The following PTPRM variants were observed in gnomAD, a reference collection of about 807,000 sequenced individuals.
PTPRM encodes receptor-type tyrosine-protein phosphatase mu.
Under a neutral mutation model 186.7 loss-of-function variants are expected in PTPRM, and 47 were observed. The ratio of observed to expected loss-of-function variants is 0.25; its 90% CI spans 0.20 to 0.32. The LOEUF (loss-of-function observed/expected upper bound fraction) is 0.32, where lower values mean the gene tolerates loss of function less well. PTPRM is among the 10% of genes least tolerant of loss of function. PTPRM has a pLI of 1.00. For missense variants in PTPRM, 1,494 were observed against 1,865.0 expected, an observed-to-expected ratio of 0.80 and a Z score of 3.66; for synonymous variants, 668 against 674.9, an observed-to-expected ratio of 0.99 and a Z score of 0.16.
chr18:8,339,475 C>T (rs1459415620), intron 22 of PTPRM, among the ~76,000 whole-genome samples: 1 of 152,188 alleles, frequency 6.6e-6, no homozygotes, highest in Non-Finnish European at 1.5e-5. Flanking sequence ...ATCAAATGCC[C>T]TGTCTTGCAA....
chr18:8,003,508 A>G (rs142919222), intron 7 of PTPRM, among the ~76,000 whole-genome samples: 1 of 152,362 alleles, frequency 6.6e-6, no homozygotes, highest in Non-Finnish European at 1.5e-5. Context: ...AGAGAGAGGA[A>G]GGTGCCTCAG....
intron 7 of PTPRM, among the ~76,000 whole-genome samples, chr18:8,021,514 C>T (rs2085235266): frequency 6.6e-6 from 1 of 151,662 alleles, no homozygotes; most frequent in South Asian, 2.1e-4. Flanking sequence ...AGCTCTCCCT[C>T]CTCTTGCCCC....
At chr18:8,077,933 C>T (rs2089917821) in intron 9 of PTPRM, among the ~76,000 whole-genome samples, 1 of 152,114 alleles carries the variant, frequency 6.6e-6, no homozygotes, top group Non-Finnish European at 1.5e-5. Flanking sequence ...AAAGGAAAAA[C>T]CCATTAGTCT....
intron 1 of PTPRM, among the ~76,000 whole-genome samples, chr18:7,714,031 A>G (rs1220283506): frequency 2.6e-5 from 4 of 152,224 alleles, no homozygotes; most frequent in Non-Finnish European, 4.4e-5. Flanking sequence ...CCTAATAGAC[A>G]TCTACAGAAC....
chr18:7,890,517 G>GT (rs150947677), intron 3 of PTPRM, among the ~76,000 whole-genome samples: 9,843 of 150,660 alleles, frequency 0.065, 420 homozygotes, highest in Non-Finnish European at 0.1. Context: ...TAAATGTGTT[G>GT]TTTTTTTTTA....
At chr18:8,257,330 C>T (rs1002055427) in intron 19 of PTPRM, among the ~76,000 whole-genome samples, 4 of 152,104 alleles carry the variant, frequency 2.6e-5, no homozygotes, top group African/African-American at 7.2e-5. Flanking sequence ...GGTCAGGGCT[C>T]CAATCACCAA....
At chr18:8,025,936 G>C (rs2148010247) in intron 7 of PTPRM, among the ~76,000 whole-genome samples, 2 of 152,316 alleles carry the variant, frequency 1.3e-5, no homozygotes, top group South Asian at 4.1e-4. Context: ...AGATTTTCCA[G>C]GGAGAGCAGA....
intron 2 of PTPRM, among the ~76,000 whole-genome samples, chr18:7,790,812 T>G (rs2043303522): frequency 6.6e-6 from 1 of 152,184 alleles, no homozygotes; most frequent in Non-Finnish European, 1.5e-5. Context: ...CTGATAAACT[T>G]TCTCCCAGTA....
intron 7 of PTPRM, among the ~76,000 whole-genome samples, chr18:7,996,261 C>T (rs970301173): frequency 6.6e-6 from 1 of 151,332 alleles, no homozygotes; most frequent in African/African-American, 2.4e-5. Context: ...ATACGCAAAT[C>T]GATGAATGTG....
chr18:7,886,762 T>C (rs1051352644), intron 2 of PTPRM, among the ~76,000 whole-genome samples: 19 of 152,312 alleles, frequency 1.2e-4, no homozygotes, highest in Admixed American at 3.3e-4. Flanking sequence ...GCTCACCTCA[T>C]AGCTGTAAAG....
intron 1 of PTPRM, among the ~76,000 whole-genome samples, chr18:7,617,145 T>A (rs143189246): frequency 5.9e-5 from 9 of 152,288 alleles, no homozygotes; most frequent in Non-Finnish European, 1.3e-4. Context: ...GTGGAGCATG[T>A]TTGGAAGTCA....
At chr18:7,869,285 A>C (rs1255539441) in intron 2 of PTPRM, among the ~76,000 whole-genome samples, 1 of 152,196 alleles carries the variant, frequency 6.6e-6, no homozygotes. Context: ...CTGCCCAAAC[A>C]GCTGCCCAAT....
At chr18:7,768,433 T>C (rs921622537) in intron 1 of PTPRM, among the ~76,000 whole-genome samples, 4 of 152,108 alleles carry the variant, frequency 2.6e-5, no homozygotes, top group African/African-American at 9.7e-5. Context: ...ATCAAGGCTA[T>C]AGTGAGCTAG....
At chr18:8,148,570 A>C (rs1417328921) in intron 14 of PTPRM, among the ~76,000 whole-genome samples, 1 of 151,862 alleles carries the variant, frequency 6.6e-6, no homozygotes, top group Non-Finnish European at 1.5e-5. Flanking sequence ...CTCGTGGTCT[A>C]GCTATTTTGT....
At chr18:8,032,381 C>T (rs1405910656) in intron 7 of PTPRM, among the ~76,000 whole-genome samples, 2 of 152,144 alleles carry the variant, frequency 1.3e-5, no homozygotes, top group Admixed American at 6.5e-5. Flanking sequence ...GTTGTTTCCA[C>T]TGCTATTCCT....
intron 19 of PTPRM, among the ~76,000 whole-genome samples, chr18:8,281,511 T>G (rs536677265): frequency 2.0e-5 from 3 of 152,160 alleles, no homozygotes; most frequent in Admixed American, 2.0e-4. Context: ...TCTCTCTAAG[T>G]GGCTGTGATG....
At chr18:7,986,476 G>A (rs1599880575) in intron 7 of PTPRM, among the ~76,000 whole-genome samples, 1 of 152,172 alleles carries the variant, frequency 6.6e-6, no homozygotes, top group East Asian at 1.9e-4. Context: ...GTGCCAGAAT[G>A]AGCTAGCATT....
At position 8,052,217 on chromosome 18, in the gene PTPRM, C is replaced by T. The variant is rs890199706; in HGVS notation, c.1133-17469C>T. Among the ~76,000 whole-genome samples, 3 of 152,156 alleles carry T rather than the reference C, an allele frequency of 2.0e-5. No individual in the cohort carries two copies. The East Asian group carries it at 5.8e-4, about 29-fold the overall frequency. ...AATTTCTCTGATGACAAGAATCACC[C>T]AGGCTGCTTCTTATGATACAAATTC... On this transcript the variant is annotated intron_variant, in intron 7 of 32. Transcript: ENST00000580170.
At chr18:7,960,440 A>G (rs2053580793) in intron 7 of PTPRM, among the ~76,000 whole-genome samples, 1 of 136,596 alleles carries the variant, frequency 7.3e-6, no homozygotes, top group Non-Finnish European at 1.5e-5. Flanking sequence ...GGAAGGGAGT[A>G]TATAGGCAAC....
Sources: gnomAD v4.1 joint callset for allele counts (sites outside exome capture counted in the v4.1 genomes callset) on GRCh38, gnomAD v4.1.1 for gene constraint, MANE v1.5 for transcripts, NCBI Gene and HGNC (gene_info 2026-07-23, HGNC 2026-07-21) for gene names.